PTPRD: variants seen among roughly 807,000 people sequenced by gnomAD.
PTPRD encodes the protein protein tyrosine phosphatase receptor type D.
In PTPRD, 34 loss-of-function variants were observed where a neutral mutation model predicts 214.5. That is an observed-to-expected ratio of 0.16 (90% CI 0.12 to 0.21). The LOEUF (loss-of-function observed/expected upper bound fraction) is 0.21, where lower values mean the gene tolerates loss of function less well. PTPRD is among the 10% of genes least tolerant of loss of function. PTPRD has a pLI of 1.00. For synonymous variants in PTPRD, 1,128 were observed against 845.7 expected, an observed-to-expected ratio of 1.33 and a Z score of -5.79; for missense variants, 2,545 against 2,398.7, an observed-to-expected ratio of 1.06 and a Z score of -1.27.
intron 2 of PTPRD, among the ~76,000 whole-genome samples, chr9:10,424,799 A>T (rs1405134247): frequency 6.6e-6 from 1 of 151,984 alleles, no homozygotes; most frequent in African/African-American, 2.4e-5. Flanking sequence ...GCTGGAAATA[A>T]ATAAAAAATG....
intron 3 of PTPRD, among the ~76,000 whole-genome samples, chr9:10,125,568 C>T (rs1297538623): frequency 6.6e-6 from 1 of 151,004 alleles, no homozygotes; most frequent in African/African-American, 2.4e-5. Flanking sequence ...GATTCTCCTG[C>T]CTCAGCCTCC....
chr9:10,132,137 C>T lies in PTPRD; in HGVS notation c.-544-98347G>A, dbSNP rs192378340. Among the ~76,000 whole-genome samples, 9 of 151,946 alleles carry T rather than the reference C, an allele frequency of 5.9e-5. No individual in the cohort carries two copies. In the East Asian group the frequency reaches 1.7e-3, roughly 29 times the overall value. On this transcript the variant is annotated intron_variant, in intron 3 of 45. Coordinates refer to ENST00000381196, the MANE Select transcript of PTPRD (RefSeq NM_002839.4). ...GCAGTTACTACTGGTAATGATTATT[C>T]TTAAGACATTGGGTAATTTGTGATC...
At chr9:8,533,538 A>C (rs1272995871) in intron 14 of PTPRD, among the ~76,000 whole-genome samples, 1 of 152,044 alleles carries the variant, frequency 6.6e-6, no homozygotes, top group Non-Finnish European at 1.5e-5. Flanking sequence ...CAGTAATGGC[A>C]GTACAATAAA....
intron 3 of PTPRD, among the ~76,000 whole-genome samples, chr9:10,170,261 C>T (rs2099192834): frequency 6.6e-6 from 1 of 152,112 alleles, no homozygotes; most frequent in Admixed American, 6.6e-5. Context: ...AGGCCTCATT[C>T]TTCTCAAAGT....
intron 3 of PTPRD, among the ~76,000 whole-genome samples, chr9:10,036,506 G>GCACAAACA (rs371291088): frequency 3.5e-5 from 5 of 142,008 alleles, no homozygotes; most frequent in African/African-American, 1.3e-4. Flanking sequence ...ACACACTCAT[G>GCACAAACA]CACACACACA....
At chr9:10,398,068 T>G (rs913710357) in intron 2 of PTPRD, among the ~76,000 whole-genome samples, 12 of 151,428 alleles carry the variant, frequency 7.9e-5, no homozygotes, top group African/African-American at 2.9e-4. Context: ...GCTTGTGTGT[T>G]TAGCAATTTA....
At chr9:8,760,582 T>G (rs73423004) in intron 11 of PTPRD, among the ~76,000 whole-genome samples, 1 of 151,360 alleles carries the variant, frequency 6.6e-6, no homozygotes, top group Non-Finnish European at 1.5e-5. Flanking sequence ...CTCTCTCCCT[T>G]GCTCCCTCTC....
chr9:10,167,246 C>T lies in PTPRD; in HGVS notation c.-544-133456G>A, dbSNP rs146392862. Among the ~76,000 whole-genome samples, 1,391 of 151,704 alleles carry T rather than the reference C, an allele frequency of 9.2e-3. 91 individuals are homozygous for T. Among genetic ancestry groups the T allele is most frequent in the Admixed American group, 0.084 (1,276 of 15,226 alleles). ...AGAGTCTTCTCTAGTAATAGTGGAG[C>T]TAATTCTCACCTATTTTTGAGCACT... On this transcript the variant is annotated intron_variant, in intron 3 of 45. Transcript: ENST00000381196.
rs563273731 is a variant in PTPRD, at chr9:8,485,731, A to C, written c.3055+31T>G. 9.2e-5 allele frequency: 143 copies of C among 1,546,764 alleles called. 1 individual carries two copies. Among genetic ancestry groups the C allele is most frequent in the Middle Eastern group, 9.1e-4 (4 of 4,404 alleles). ...TTTCCAAAGACTGACAATCCTTTAA[A>C]GGAGGAAGGCCGTAAGCAGACAAAT... On this transcript the variant is annotated intron_variant, in intron 28 of 45. Coordinates refer to ENST00000381196, the MANE Select transcript of PTPRD (RefSeq NM_002839.4).
chr9:8,791,748 G>C (rs886811541), intron 11 of PTPRD, among the ~76,000 whole-genome samples: 4 of 151,942 alleles, frequency 2.6e-5, no homozygotes, highest in Admixed American at 6.6e-5. Flanking sequence ...ATGCTGACTG[G>C]CTAACTAGGT....
At chr9:10,361,688 A>G (rs185201088) in intron 2 of PTPRD, among the ~76,000 whole-genome samples, 1 of 152,320 alleles carries the variant, frequency 6.6e-6, no homozygotes, top group East Asian at 1.9e-4. Flanking sequence ...TTACTATTAT[A>G]TGATCGTTCA....
chr9:9,396,701 T>G (rs1404000796), intron 9 of PTPRD, among the ~76,000 whole-genome samples: 1 of 152,034 alleles, frequency 6.6e-6, no homozygotes, highest in African/African-American at 2.4e-5. Context: ...AACATTTTCC[T>G]TATCGCAATT....
intron 10 of PTPRD, among the ~76,000 whole-genome samples, chr9:9,041,941 C>T: frequency 6.6e-6 from 1 of 152,160 alleles, no homozygotes; most frequent in East Asian, 1.9e-4. Flanking sequence ...ATTTAGGTCT[C>T]CTTTGTCTTG....
At chr9:9,719,358 A>G (rs1297889231) in intron 7 of PTPRD, among the ~76,000 whole-genome samples, 1 of 152,106 alleles carries the variant, frequency 6.6e-6, no homozygotes, top group Admixed American at 6.6e-5. Flanking sequence ...GGAGTGAAAA[A>G]AGCCATAATA....
At chr9:9,082,535 T>C (rs324472) in intron 10 of PTPRD, among the ~76,000 whole-genome samples, 96,753 of 151,976 alleles carry the variant, frequency 0.64, 31,766 homozygotes, top group Non-Finnish European at 0.72. Context: ...CAACCTGGTA[T>C]TGGAAGTTCC....
intron 11 of PTPRD, among the ~76,000 whole-genome samples, chr9:8,803,983 C>T (rs1034436452): frequency 2.6e-5 from 4 of 151,868 alleles, no homozygotes; most frequent in East Asian, 3.9e-4. Flanking sequence ...GACGGAGTCT[C>T]GCTCTGTTGC....
intron 7 of PTPRD, among the ~76,000 whole-genome samples, chr9:9,597,409 T>A (rs1197666174): frequency 6.6e-6 from 1 of 151,938 alleles, no homozygotes; most frequent in South Asian, 2.1e-4. Context: ...CATCGAGGAA[T>A]AAAGGACCGG....
At chr9:9,096,935 G>A (rs1417395268) in intron 10 of PTPRD, among the ~76,000 whole-genome samples, 4 of 152,100 alleles carry the variant, frequency 2.6e-5, no homozygotes, top group Non-Finnish European at 5.9e-5. Context: ...TGAAGTCACT[G>A]CTTTTATCTC....
intron 3 of PTPRD, among the ~76,000 whole-genome samples, chr9:10,092,430 A>T (rs379409): frequency 0.37 from 56,648 of 151,134 alleles, 11,412 homozygotes; most frequent in East Asian, 0.53. Flanking sequence ...CTGATGTGAT[A>T]TTTCTGCTGA....
Sources: gnomAD v4.1 joint callset for allele counts (sites outside exome capture counted in the v4.1 genomes callset) on GRCh38, gnomAD v4.1.1 for gene constraint, MANE v1.5 for transcripts, NCBI Gene and HGNC (gene_info 2026-07-23, HGNC 2026-07-21) for gene names.